Variants in MIA2 observed in about 807,000 individuals in gnomAD.
MIA2 encodes the protein MIA SH3 domain ER export factor 2.
Under a neutral mutation model 167.8 loss-of-function variants are expected in MIA2, and 127 were observed. The observed-to-expected ratio is 0.76, with a 90% CI of 0.66 to 0.88. The LOEUF is 0.88. Ranked by LOEUF, MIA2 falls within the 40% of genes least tolerant of loss-of-function variation. The pLI, the probability that MIA2 is intolerant of heterozygous loss-of-function variation, is 0.00. For missense variants in MIA2, 1,690 were observed against 1,624.7 expected (o/e 1.04, Z -0.69); for synonymous variants, 552 against 541.9 (o/e 1.02, Z -0.26).
At chr14:39,385,492 T>C (rs2075257576) in intron 23 of MIA2, 1 of 908,450 alleles carries the variant, frequency 1.1e-6, no homozygotes, top group Admixed American at 1.7e-5. Context: ...CTTGCTCTCC[T>C]GTGTCACAGC....
intron 23 of MIA2, among the ~76,000 whole-genome samples, chr14:39,361,266 A>G (rs564651123): frequency 1.3e-5 from 2 of 152,278 alleles, no homozygotes; most frequent in South Asian, 2.1e-4. Flanking sequence ...TATTATTCCA[A>G]TCCTGTGATG....
intron 25 of MIA2, among the ~76,000 whole-genome samples, chr14:39,329,342 C>G (rs1206307449): frequency 1.3e-5 from 2 of 152,164 alleles, no homozygotes; most frequent in African/African-American, 4.8e-5. Flanking sequence ...TGCTTATTAG[C>G]TTAAGGAGTG....
At chr14:39,271,468 T>C (rs1014118277) in intron 6 of MIA2, among the ~76,000 whole-genome samples, 3 of 152,178 alleles carry the variant, frequency 2.0e-5, no homozygotes, top group Non-Finnish European at 2.9e-5. Flanking sequence ...TTATCAATAT[T>C]GTTTTGGCTA....
At chr14:39,293,508 A>G in intron 11 of MIA2, 127 bp downstream of exon 11, 1 of 627,126 alleles carries the variant, frequency 1.6e-6, no homozygotes, top group Non-Finnish European at 2.6e-6. Flanking sequence ...GGTTGTAGAG[A>G]GCAAAATTTT....
In MIA2 at chr14:39,246,932, C is replaced by A; in HGVS notation, c.358C>A (p.Leu120Ile). Residue 120 changes from leucine (L) to isoleucine (I), a missense_variant, in exon 4 of 29, where the codon CTT becomes ATT. By Grantham distance (5) the Leu-to-Ile change is conservative. Transcript: ENST00000640607. ...STKESDFLCL[L>I]GVSYTFDNED... ...TTAGGAATCTGACTTTCTTTGTCTT[C>A]TTGGAGTAAGTTACACATTTGACAA... The A allele has an allele frequency of 6.6e-7, 1 of 1,511,038 alleles. No homozygotes were observed. The highest frequency in any genetic ancestry group is 1.4e-5 in the South Asian group (1 of 71,732). 93.6% of individuals were successfully genotyped at this position (1,511,038 alleles called of 1,614,324 possible). A position where few individuals can be genotyped will look rare whatever the true frequency, so the allele number is the denominator to read the frequency against.
chr14:39,291,138 A>G (rs769825701), intron 10 of MIA2, 42 bp downstream of exon 10: 4 of 1,525,538 alleles, frequency 2.6e-6, no homozygotes, highest in Non-Finnish European at 3.5e-6. Flanking sequence ...TGGGGAAAAA[A>G]ATACTAAGTA....
chr14:39,234,103 G>T lies in MIA2; in HGVS notation c.-12G>T. ...TAAACTTCACTTGGGATTCCCGGTT[G>T]CTTGTTTTAGCATGGCAAAATTTGG... On this transcript the variant is annotated 5_prime_UTR_variant, in exon 1 of 29. Coordinates refer to ENST00000640607, the MANE Select transcript of MIA2 (RefSeq NM_001329214.4). The T allele has an allele frequency of 6.4e-7, 1 of 1,561,602 alleles. No homozygotes were observed. Among genetic ancestry groups the T allele is most frequent in the Non-Finnish European group, 8.8e-7 (1 of 1,141,364 alleles).
chr14:39,239,007 C>T (rs758603980), intron 2 of MIA2, among the ~76,000 whole-genome samples: 8 of 152,034 alleles, frequency 5.3e-5, no homozygotes, highest in Non-Finnish European at 1.2e-4. Context: ...ATGATAAGTA[C>T]TTTTACTCCC....
At position 39,302,230 on chromosome 14, in the gene MIA2, G is replaced by A. The variant is rs750149530; in HGVS notation, c.2721G>A (p.Ser907=). 3.1e-6 allele frequency: 5 copies of A among 1,613,710 alleles called. No homozygotes were observed. Among genetic ancestry groups the A allele is most frequent in the Non-Finnish European group, 4.2e-6 (5 of 1,179,746 alleles). The change falls in exon 15 of 29, where the codon TCG becomes TCA. Residue 907 remains serine (S), a synonymous_variant. Transcript: ENST00000640607. The stretch of plus-strand genomic sequence containing the variant: ...TGGAATTAGAAATGAACAGTGAATC[G>A]GAAAATGGTGCTTACTTAGGTATTA... The part of the protein sequence containing the change: ...DNLELEMNSE[S]ENGAYLDNPP...
downstream of MIA2, among the ~76,000 whole-genome samples, chr14:39,354,275 T>C (rs536354884): frequency 1.4e-3 from 209 of 152,350 alleles, no homozygotes; most frequent in Non-Finnish European, 2.5e-3. Flanking sequence ...TGTGAGATGG[T>C]ATCTCATTGT....
intron 6 of MIA2, among the ~76,000 whole-genome samples, chr14:39,262,923 G>C (rs915669504): frequency 6.6e-6 from 1 of 151,520 alleles, no homozygotes; most frequent in South Asian, 2.1e-4. Context: ...GGGCTGAGAT[G>C]ATGGGGTTTT....
downstream of MIA2, among the ~76,000 whole-genome samples, chr14:39,352,110 C>T (rs114826503): frequency 0.032 from 4,827 of 151,580 alleles, 276 homozygotes; most frequent in African/African-American, 0.11. Context: ...CTTACTGTTC[C>T]GATGAATTTT....
rs2062994382 is a variant in MIA2, at chr14:39,304,390, T to C, written c.2878+9T>C. On this transcript the variant is annotated intron_variant, in intron 17 of 28. Transcript: ENST00000640607. ...AAAGGAAGAGCTTACAGGTAGGTCA[T>C]TGACATACATACTTTTAATGTTTTT... The C allele has an allele frequency of 1.4e-6, 2 of 1,419,028 alleles. No homozygotes were observed. The highest frequency in any genetic ancestry group is 1.9e-6 in the Non-Finnish European group (2 of 1,033,080). 87.9% of individuals were successfully genotyped at this position (1,419,028 alleles called of 1,614,324 possible).
chr14:39,363,228 A>T (rs2074732165), intron 23 of MIA2, among the ~76,000 whole-genome samples: 1 of 152,212 alleles, frequency 6.6e-6, no homozygotes, highest in African/African-American at 2.4e-5. Flanking sequence ...TCTAAAGTAC[A>T]GTTTAAGTCT....
intron 6 of MIA2, chr14:39,267,353 C>A (rs111616002): frequency 7.6e-6 from 12 of 1,576,846 alleles, no homozygotes; most frequent in Admixed American, 5.7e-5. Flanking sequence ...CTCCGGTTGC[C>A]GGGTGCGGAT....
At chr14:39,288,833 T>A (rs543331356) in intron 9 of MIA2, among the ~76,000 whole-genome samples, 75 of 152,278 alleles carry the variant, frequency 4.9e-4, no homozygotes, top group Non-Finnish European at 8.2e-4. Flanking sequence ...ATCTTTTTGA[T>A]GCATTGTTAA....
chr14:39,311,740 T>C (rs1305170904), intron 18 of MIA2, among the ~76,000 whole-genome samples: 2 of 151,740 alleles, frequency 1.3e-5, no homozygotes, highest in Non-Finnish European at 2.9e-5. Flanking sequence ...TCTGCCCACC[T>C]TGGCCTTTCA....
At chr14:39,320,702 T>C (rs2066261977) in intron 23 of MIA2, among the ~76,000 whole-genome samples, 1 of 152,220 alleles carries the variant, frequency 6.6e-6, no homozygotes, top group African/African-American at 2.4e-5. Context: ...AGTTCGTTGA[T>C]GTTTTTATTG....
intron 23 of MIA2, among the ~76,000 whole-genome samples, chr14:39,366,275 G>GTAT (rs1358075773): frequency 6.6e-6 from 1 of 152,124 alleles, no homozygotes; most frequent in African/African-American, 2.4e-5. Context: ...ACGGGTACAG[G>GTAT]TATTAACAGG....
Sources: allele counts gnomAD v4.1 joint callset (sites outside exome capture counted in the v4.1 genomes callset), GRCh38; gene constraint gnomAD v4.1.1; transcripts MANE v1.5; gene names NCBI Gene and HGNC (gene_info 2026-07-23, HGNC 2026-07-21).